SNX29: variants seen among roughly 807,000 people sequenced by gnomAD.
The protein encoded by SNX29 is sorting nexin 29.
SNX29 carries 78 observed loss-of-function variants against 102.1 expected under a neutral mutation model. That is an observed-to-expected ratio of 0.76 (90% CI 0.64 to 0.92). The LOEUF is 0.92. Among genes scored for constraint, SNX29 ranks in the 40% least tolerant of loss-of-function variants. The pLI, the probability that SNX29 is intolerant of heterozygous loss-of-function variation, is 0.00. For missense variants in SNX29, 1,280 were observed against 1,061.7 expected (o/e 1.21, Z -2.86); for synonymous variants, 580 against 414.5 (o/e 1.40, Z -4.85).
At chr16:12,247,583 A>G (rs2078296153) in intron 14 of SNX29, among the ~76,000 whole-genome samples, 2 of 152,162 alleles carry the variant, frequency 1.3e-5, no homozygotes, top group Non-Finnish European at 2.9e-5. Context: ...TTCTTCCTGG[A>G]GAGCCATCAG....
intron 14 of SNX29, among the ~76,000 whole-genome samples, chr16:12,213,909 C>T (rs1019982301): frequency 2.3e-4 from 35 of 152,146 alleles, no homozygotes; most frequent in African/African-American, 8.4e-4. Context: ...GGAGTCCCTG[C>T]TGCTTCTGGT....
chr16:12,120,541 C>T (rs1210993163), intron 11 of SNX29, among the ~76,000 whole-genome samples: 3 of 152,162 alleles, frequency 2.0e-5, no homozygotes, highest in African/African-American at 7.2e-5. Context: ...CCCCTGGGGG[C>T]CTTTAGTGGC....
chr16:12,332,650 C>G (rs1350909721), intron 15 of SNX29, among the ~76,000 whole-genome samples: 4 of 152,134 alleles, frequency 2.6e-5, no homozygotes, highest in Non-Finnish European at 4.4e-5. Context: ...CGTCCTTAGG[C>G]CCACCTTCCA....
intron 9 of SNX29, among the ~76,000 whole-genome samples, chr16:12,068,727 T>G (rs577235294): frequency 2.6e-4 from 40 of 152,192 alleles, no homozygotes; most frequent in African/African-American, 9.4e-4. Flanking sequence ...GTATTTTTAG[T>G]AGAGATGGGG....
chr16:12,563,965 C>T (rs974808706), intron 20 of SNX29, among the ~76,000 whole-genome samples: 3 of 151,032 alleles, frequency 2.0e-5, no homozygotes, highest in African/African-American at 7.4e-5. Context: ...CGAGGAAGGG[C>T]TTTTCAGATA....
At chr16:12,507,894 A>G (rs757921985) in intron 19 of SNX29, among the ~76,000 whole-genome samples, 4 of 152,176 alleles carry the variant, frequency 2.6e-5, no homozygotes, top group Non-Finnish European at 5.9e-5. Context: ...GCACACGGTC[A>G]AGGCCAAGTC....
intron 13 of SNX29, among the ~76,000 whole-genome samples, chr16:12,190,118 T>C (rs2076605717): frequency 6.6e-6 from 1 of 152,152 alleles, no homozygotes. Flanking sequence ...ATGGGGAGAT[T>C]TGCTTTCTGG....
At chr16:12,503,630 C>G (rs531590888) in intron 19 of SNX29, among the ~76,000 whole-genome samples, 102 of 152,296 alleles carry the variant, frequency 6.7e-4, no homozygotes, top group African/African-American at 2.4e-3. Flanking sequence ...AAAGCTGGCT[C>G]CAGGGCTGGA....
chr16:12,476,025 A>T lies in SNX29; in HGVS notation c.2038-1694A>T, dbSNP rs573252279. Among the ~76,000 whole-genome samples the T allele has an allele frequency of 5.8e-4, 89 of 152,184 alleles. 1 individual carries two copies. Among genetic ancestry groups the T allele is most frequent in the South Asian group, 3.7e-3 (18 of 4,822 alleles). On this transcript the variant is annotated intron_variant, in intron 18 of 20. Transcript: ENST00000566228. ...CATAAGCAGGTATGGGCCAGTCAAG[A>T]TATATAGGGTGACAGCCAGGCGTGG...
intron 14 of SNX29, among the ~76,000 whole-genome samples, chr16:12,251,334 A>T (rs1041174495): frequency 5.3e-5 from 8 of 152,232 alleles, no homozygotes; most frequent in African/African-American, 1.9e-4. Context: ...ATGTTCATTA[A>T]TATTATTGAC....
At chr16:12,240,881 C>T (rs982476046) in intron 14 of SNX29, among the ~76,000 whole-genome samples, 3 of 152,118 alleles carry the variant, frequency 2.0e-5, no homozygotes, top group Non-Finnish European at 2.9e-5. Flanking sequence ...GCTGGGATTA[C>T]AGGCGTTACC....
intron 16 of SNX29, among the ~76,000 whole-genome samples, chr16:12,370,153 T>C (rs934963656): frequency 1.3e-5 from 2 of 151,696 alleles, no homozygotes; most frequent in Non-Finnish European, 2.9e-5. Flanking sequence ...ATCCGGGAGG[T>C]GGAGACTGCA....
chr16:12,498,260 A>C (rs1473301986), intron 19 of SNX29, among the ~76,000 whole-genome samples: 1 of 152,234 alleles, frequency 6.6e-6, no homozygotes, highest in African/African-American at 2.4e-5. Context: ...CAGCAGGTAC[A>C]CGTGGCAGAG....
intron 20 of SNX29, among the ~76,000 whole-genome samples, chr16:12,541,501 T>G (rs968536470): frequency 1.3e-5 from 2 of 152,164 alleles, no homozygotes; most frequent in Non-Finnish European, 2.9e-5. Flanking sequence ...CTCTGTGATC[T>G]GAGTCCCAAG....
intron 14 of SNX29, among the ~76,000 whole-genome samples, chr16:12,203,179 G>A (rs572898423): frequency 6.6e-6 from 1 of 152,210 alleles, no homozygotes; most frequent in African/African-American, 2.4e-5. Context: ...AGGTGGACTG[G>A]TGGCGTTGGA....
intron 15 of SNX29, among the ~76,000 whole-genome samples, chr16:12,282,260 A>G (rs924520225): frequency 3.9e-5 from 6 of 152,150 alleles, no homozygotes; most frequent in African/African-American, 1.4e-4. Context: ...GAATGGCAGG[A>G]CACAAGGGGG....
In SNX29 at chr16:12,573,762, C is replaced by G. The variant is rs1424449560; in HGVS notation, c.*5133C>G. 4.5e-6 allele frequency: 1 copy of G among 222,612 alleles called. No homozygotes were observed. The highest frequency in any genetic ancestry group is 6.5e-5 in the East Asian group (1 of 15,314). The allele number at this position is 222,612 out of a possible 1,614,324, so 13.8% of individuals were successfully genotyped here. On this transcript the variant is annotated 3_prime_UTR_variant, in exon 21 of 21. Transcript: ENST00000566228. ...TTTGCACCCAGAGCTACTAAACGCT[C>G]AGTGACCCCAGAGACCATTAATTTC...
At chr16:12,402,355 T>C (rs1222528544) in intron 17 of SNX29, among the ~76,000 whole-genome samples, 1 of 152,208 alleles carries the variant, frequency 6.6e-6, no homozygotes, top group African/African-American at 2.4e-5. Flanking sequence ...GTGTCTCAAA[T>C]TGTGTTCCAA....
chr16:12,189,064 C>A (rs1419605348), intron 13 of SNX29, among the ~76,000 whole-genome samples: 1 of 152,152 alleles, frequency 6.6e-6, no homozygotes, highest in Non-Finnish European at 1.5e-5. Flanking sequence ...AATACAGATT[C>A]CAGGCTTCAC....
Sources: allele counts gnomAD v4.1 joint callset (sites outside exome capture counted in the v4.1 genomes callset), GRCh38; gene constraint gnomAD v4.1.1; transcripts MANE v1.5; gene names NCBI Gene and HGNC (gene_info 2026-07-23, HGNC 2026-07-21).